Variants in FRMD4A observed in about 807,000 individuals in gnomAD.
The protein encoded by FRMD4A is FERM domain containing 4A, also known as FERM domain-containing protein 4A.
In FRMD4A, 29 loss-of-function variants were observed where a neutral mutation model predicts 129.1. The ratio of observed to expected loss-of-function variants is 0.22; its 90% CI spans 0.17 to 0.31. The LOEUF is 0.31. Ranked by LOEUF, FRMD4A falls within the 10% of genes least tolerant of loss-of-function variation. The pLI, the probability that FRMD4A is intolerant of heterozygous loss-of-function variation, is 1.00. For missense variants in FRMD4A, 1,272 were observed against 1,375.8 expected, an observed-to-expected ratio of 0.92 and a Z score of 1.19; for synonymous variants, 634 against 571.6, an observed-to-expected ratio of 1.11 and a Z score of -1.56.
At chr10:13,856,160 G>A (rs971332242) in intron 3 of FRMD4A, among the ~76,000 whole-genome samples, 1 of 151,218 alleles carries the variant, frequency 6.6e-6, no homozygotes, top group Non-Finnish European at 1.5e-5. Context: ...TAGATAGATT[G>A]TGTGTGTATC....
Position 13,670,446 on chromosome 10 carries a change from G to T in FRMD4A, c.1334C>A (p.Ala445Asp). The change falls in exon 17 of 25, where the codon GCC becomes GAC. Residue 445 changes from alanine to aspartate, a missense_variant. Physicochemically the swap from Ala to Asp is moderately radical, Grantham distance 126. Coordinates refer to ENST00000357447, the MANE Select transcript of FRMD4A (RefSeq NM_018027.5). ...GATTTTCTGTTCATCCAGTTTGAAG[G>T]CTGTTCCTATTCTTCTCCGAACAAT... ...PPIVRRRIGT[A>D]FKLDEQKILP... 6.2e-7 allele frequency: 1 copy of T among 1,613,384 alleles called. No individual in the cohort carries two copies. Among genetic ancestry groups the T allele is most frequent in the Non-Finnish European group, 8.5e-7 (1 of 1,179,470 alleles).
chr10:14,053,133 G>C (rs189017667), intron 2 of FRMD4A, among the ~76,000 whole-genome samples: 1 of 152,222 alleles, frequency 6.6e-6, no homozygotes, highest in Non-Finnish European at 1.5e-5. Flanking sequence ...TACGGAGATG[G>C]TGGGGCCAGG....
At chr10:13,697,513 G>A (rs1369166457) in intron 14 of FRMD4A, among the ~76,000 whole-genome samples, 3 of 152,156 alleles carry the variant, frequency 2.0e-5, no homozygotes, top group African/African-American at 7.2e-5. Flanking sequence ...AGGACCGGGA[G>A]GACATGGGCA....
chr10:14,050,234 C>A (rs1395902412), intron 2 of FRMD4A, among the ~76,000 whole-genome samples: 2 of 152,332 alleles, frequency 1.3e-5, no homozygotes, highest in Admixed American at 6.5e-5. Context: ...TGCTCTCACT[C>A]ACCAAACTGT....
intron 2 of FRMD4A, among the ~76,000 whole-genome samples, chr10:14,304,330 T>C (rs902491608): frequency 3.3e-5 from 5 of 152,346 alleles, no homozygotes; most frequent in Admixed American, 3.3e-4. Flanking sequence ...ATCATTGCCA[T>C]CCTGATGGGT....
chr10:13,687,933 C>T (rs976227468), intron 15 of FRMD4A, among the ~76,000 whole-genome samples: 8 of 152,126 alleles, frequency 5.3e-5, no homozygotes, highest in Non-Finnish European at 8.8e-5. Flanking sequence ...GATGGTTCAC[C>T]ACCTCTAAGG....
chr10:13,981,314 G>A (rs990264863), intron 2 of FRMD4A, among the ~76,000 whole-genome samples: 5 of 152,152 alleles, frequency 3.3e-5, no homozygotes, highest in African/African-American at 1.2e-4. Context: ...TGAATCAATG[G>A]GTTTAAAGCA....
At chr10:14,080,953 G>T (rs967950065) in intron 2 of FRMD4A, among the ~76,000 whole-genome samples, 2 of 151,906 alleles carry the variant, frequency 1.3e-5, no homozygotes, top group African/African-American at 4.8e-5. Flanking sequence ...TGGCTCAGAC[G>T]TTGATGGAAC....
chr10:13,836,704 C>T (rs1476750933), intron 3 of FRMD4A, among the ~76,000 whole-genome samples: 1 of 150,778 alleles, frequency 6.6e-6, no homozygotes. Flanking sequence ...CAAGGAGGGC[C>T]TGGAAAGACT....
intron 15 of FRMD4A, chr10:13,692,708 T>G (rs1333101084): frequency 6.6e-6 from 1 of 152,314 alleles, no homozygotes. Flanking sequence ...AGACAATTTT[T>G]AGCTCCTCTT....
At chr10:14,147,753 G>A (rs1840147966) in intron 2 of FRMD4A, among the ~76,000 whole-genome samples, 1 of 152,070 alleles carries the variant, frequency 6.6e-6, no homozygotes, top group African/African-American at 2.4e-5. Flanking sequence ...ACCTCCTGCT[G>A]TGTGGCCTGT....
intron 5 of FRMD4A, among the ~76,000 whole-genome samples, chr10:13,793,534 T>C (rs1019536730): frequency 6.6e-6 from 1 of 152,154 alleles, no homozygotes; most frequent in Non-Finnish European, 1.5e-5. Context: ...ATGTGGTATG[T>C]AGATGTAATA....
At chr10:14,099,781 G>T (rs1287065070) in intron 2 of FRMD4A, among the ~76,000 whole-genome samples, 1 of 152,198 alleles carries the variant, frequency 6.6e-6, no homozygotes, top group Non-Finnish European at 1.5e-5. Flanking sequence ...GATGGAGCCT[G>T]ATAATTTCTT....
At chr10:13,748,229 G>A (rs539545311) in intron 8 of FRMD4A, among the ~76,000 whole-genome samples, 2 of 152,184 alleles carry the variant, frequency 1.3e-5, no homozygotes, top group African/African-American at 4.8e-5. Context: ...ACAGAGCTCC[G>A]AGAATGGGCA....
intron 9 of FRMD4A, chr10:13,744,810 T>C (rs1287439618): frequency 6.6e-6 from 1 of 152,136 alleles, no homozygotes; most frequent in Non-Finnish European, 1.5e-5. Context: ...CCTTGCTGAG[T>C]GGTGAATCTG....
chr10:13,694,542 G>A (rs752445622), intron 14 of FRMD4A, among the ~76,000 whole-genome samples: 4 of 152,162 alleles, frequency 2.6e-5, no homozygotes, highest in Admixed American at 6.5e-5. Context: ...TAAACAAGGA[G>A]GAGAAAATGA....
intron 12 of FRMD4A, among the ~76,000 whole-genome samples, chr10:13,722,412 T>A (rs542990664): frequency 5.4e-4 from 74 of 136,928 alleles, no homozygotes; most frequent in African/African-American, 1.2e-3. Context: ...AAAAAAAAAA[T>A]TTTTTTTTTT....
chr10:14,110,694 C>A (rs555775668), intron 2 of FRMD4A, among the ~76,000 whole-genome samples: 7 of 152,290 alleles, frequency 4.6e-5, no homozygotes, highest in African/African-American at 1.7e-4. Flanking sequence ...TATCTGAAAA[C>A]CACTGCAGAG....
chr10:14,170,724 A>T (rs1206134590), intron 2 of FRMD4A, among the ~76,000 whole-genome samples: 1 of 152,192 alleles, frequency 6.6e-6, no homozygotes, highest in Non-Finnish European at 1.5e-5. Context: ...TTTGGTAAAA[A>T]CATAGCTATA....
Sources: gnomAD v4.1 joint callset for allele counts (sites outside exome capture counted in the v4.1 genomes callset) on GRCh38, gnomAD v4.1.1 for gene constraint, MANE v1.5 for transcripts, NCBI Gene and HGNC (gene_info 2026-07-23, HGNC 2026-07-21) for gene names.